The following EGFLAM variants were observed in gnomAD, a reference collection of about 807,000 sequenced individuals.
EGFLAM encodes the protein pikachurin.
Under a neutral mutation model 113.1 loss-of-function variants are expected in EGFLAM, and 79 were observed. That is an observed-to-expected ratio of 0.70 (90% CI 0.58 to 0.84). The LOEUF is 0.84. Ranked by LOEUF, EGFLAM falls within the 40% of genes least tolerant of loss-of-function variation. The pLI is 0.00. For missense variants in EGFLAM, 1,265 were observed against 1,291.6 expected, an observed-to-expected ratio of 0.98 and a Z score of 0.32; for synonymous variants, 504 against 487.6, an observed-to-expected ratio of 1.03 and a Z score of -0.44.
chr5:38,435,239 G>C lies in EGFLAM; in HGVS notation c.2269G>C (p.Gly757Arg), dbSNP rs202066673. 2 of 1,613,884 alleles carry C rather than the reference G, an allele frequency of 1.2e-6. No individual in the cohort carries two copies. Among genetic ancestry groups the C allele is most frequent in the Non-Finnish European group, 1.7e-6 (2 of 1,179,846 alleles). Reference protein sequence around the residue: ...KNSGVLKPFSGSIQKIILNDR... With the variant: ...KNSGVLKPFSRSIQKIILNDR... ...CTCGGGTGTCCTGAAGCCTTTCAGC[G>C]GGAGCATCCAGAAGGTACAGGCATC... The change falls in exon 16 of 22, where the codon GGG becomes CGG. Residue 757 changes from glycine to arginine, a missense_variant. Transcript: ENST00000322350.
rs1741713389 is a variant in EGFLAM at position 38,418,173 on chromosome 5, T to C, written c.1602T>C (p.Cys534=). ...GGACAAACCGAGGCTTTCAAGGCTG[T>C]GTGCAGTCGCTCGCTGTGAATGGGA... is the stretch of plus-strand genomic sequence containing the variant. ...ATGTNRGFQG[C]VQSLAVNGRR... Residue 534 remains cysteine, a synonymous_variant, in exon 12 of 22, where the codon TGT becomes TGC. Coordinates refer to ENST00000322350, the MANE Select transcript of EGFLAM (RefSeq NM_152403.4). 6.2e-7 allele frequency: 1 copy of C among 1,614,224 alleles called. No individual in the cohort carries two copies. The highest frequency in any genetic ancestry group is 1.3e-5 in the African/African-American group (1 of 75,060).
At chr5:38,341,997 G>A (rs1052664927) in intron 3 of EGFLAM, among the ~76,000 whole-genome samples, 1 of 151,802 alleles carries the variant, frequency 6.6e-6, no homozygotes, top group Non-Finnish European at 1.5e-5. Context: ...ATTTTTGTAA[G>A]CATGTTTTAG....
chr5:38,458,237 C>T (rs748075200), intron 19 of EGFLAM, 74 bp from the exon 20 acceptor site: 8 of 1,336,786 alleles, frequency 6.0e-6, no homozygotes, highest in African/African-American at 2.9e-5. Flanking sequence ...CCCTGAGAAT[C>T]GTCTGTGAAC....
At chr5:38,374,123 G>A (rs1327931074) in intron 6 of EGFLAM, among the ~76,000 whole-genome samples, 1 of 152,154 alleles carries the variant, frequency 6.6e-6, no homozygotes, top group Non-Finnish European at 1.5e-5. Context: ...CTGATGATTA[G>A]TGATGCTGAC....
intron 1 of EGFLAM, among the ~76,000 whole-genome samples, chr5:38,294,364 T>C (rs1336833010): frequency 1.3e-5 from 2 of 152,202 alleles, no homozygotes; most frequent in Admixed American, 1.3e-4. Context: ...TGGGGACATA[T>C]ATATACCTTG....
At chr5:38,324,337 T>C (rs931351522) in intron 1 of EGFLAM, among the ~76,000 whole-genome samples, 2 of 152,200 alleles carry the variant, frequency 1.3e-5, no homozygotes, top group Admixed American at 1.3e-4. Context: ...CTCTAGCCCA[T>C]AGGCGGTCCC....
chr5:38,395,515 A>G (rs1343982707), intron 6 of EGFLAM, among the ~76,000 whole-genome samples: 1 of 152,136 alleles, frequency 6.6e-6, no homozygotes, highest in African/African-American at 2.4e-5. Context: ...CTTTGTCTTT[A>G]AAGAGTGAGA....
Position 38,436,975 on chromosome 5 carries a change from T to C in EGFLAM, c.2284-1300T>C, listed in dbSNP as rs1742371863. ...GCAGGAAGTGCCATTGCTAACCTCT[T>C]ATAACCCCTGGGCAGTGGGGGTTCC... On this transcript the variant is annotated intron_variant, in intron 16 of 21. Transcript: ENST00000322350. Among the ~76,000 whole-genome samples the C allele has an allele frequency of 2.0e-5, 3 of 152,204 alleles. No individual in the cohort carries two copies. The South Asian group carries it at 6.2e-4, about 31-fold the overall frequency.
chr5:38,313,181 C>G (rs1738501743), intron 1 of EGFLAM, among the ~76,000 whole-genome samples: 1 of 152,128 alleles, frequency 6.6e-6, no homozygotes. Flanking sequence ...TTAATCTTTT[C>G]TGATTTTTTT....
intron 12 of EGFLAM, among the ~76,000 whole-genome samples, chr5:38,421,504 A>G (rs2112173734): frequency 6.6e-6 from 1 of 152,256 alleles, no homozygotes; most frequent in South Asian, 2.1e-4. Context: ...TCTTTTCCTC[A>G]TTTCACTCAA....
chr5:38,324,952 G>A (rs186280429), intron 1 of EGFLAM, among the ~76,000 whole-genome samples: 5 of 152,258 alleles, frequency 3.3e-5, no homozygotes, highest in African/African-American at 9.6e-5. Flanking sequence ...GGAGGGGCTC[G>A]GGTCAAAAAG....
chr5:38,418,221 G>T lies in EGFLAM; in HGVS notation c.1650G>T (p.Trp550Cys), dbSNP rs752854137. 1.9e-6 allele frequency: 3 copies of T among 1,614,138 alleles called. No individual in the cohort carries two copies. The South Asian group carries it at 3.3e-5, about 18-fold the overall frequency. ...GGAGGAGAATTGACATGAGGCCCTG[G>T]CCCCTGGGAAAAGCACTCAGTGGGG... The part of the protein sequence containing the change: ...VNGRRIDMRP[W>C]PLGKALSGAD... Residue 550 changes from tryptophan (W) to cysteine (C), a missense_variant, in exon 12 of 22, where the codon TGG (tryptophan) becomes TGT (cysteine). Transcript: ENST00000322350.
chr5:38,272,786 G>A (rs1757797096), intron 1 of EGFLAM, among the ~76,000 whole-genome samples: 1 of 152,134 alleles, frequency 6.6e-6, no homozygotes, highest in Non-Finnish European at 1.5e-5. Context: ...GTCTGTGTCT[G>A]TGTCTGTGTG....
intron 15 of EGFLAM, among the ~76,000 whole-genome samples, chr5:38,432,565 T>C (rs1258052878): frequency 2.0e-5 from 3 of 152,226 alleles, no homozygotes; most frequent in Non-Finnish European, 4.4e-5. Flanking sequence ...CCAGAGTCAC[T>C]TCTGGTGCAA....
intron 1 of EGFLAM, among the ~76,000 whole-genome samples, chr5:38,315,782 T>C (rs1294837627): frequency 4.6e-5 from 7 of 152,272 alleles, no homozygotes; most frequent in Middle Eastern, 3.4e-3. Flanking sequence ...ATGTTTAAAA[T>C]GCCTAAGCAC....
At chr5:38,389,975 T>G (rs556950224) in intron 6 of EGFLAM, among the ~76,000 whole-genome samples, 15 of 152,334 alleles carry the variant, frequency 9.8e-5, no homozygotes, top group Non-Finnish European at 1.9e-4. Flanking sequence ...GTATTGTGAG[T>G]TATTTTAAGT....
chr5:38,334,415 C>G (rs958031675), intron 1 of EGFLAM, among the ~76,000 whole-genome samples: 8 of 152,146 alleles, frequency 5.3e-5, no homozygotes, highest in African/African-American at 1.9e-4. Flanking sequence ...CAGCTGTCTT[C>G]TTGCTGTGTC....
At chr5:38,455,926 C>G (rs1743071583) in intron 19 of EGFLAM, among the ~76,000 whole-genome samples, 1 of 152,220 alleles carries the variant, frequency 6.6e-6, no homozygotes, top group South Asian at 2.1e-4. Flanking sequence ...TTCACGTACA[C>G]AGCCAGATCA....
intron 1 of EGFLAM, among the ~76,000 whole-genome samples, chr5:38,319,157 C>A (rs1165313386): frequency 6.6e-6 from 1 of 152,122 alleles, no homozygotes. Flanking sequence ...CTTCAGCAGA[C>A]CCCCAACTCC....
Sources: gnomAD v4.1 joint callset for allele counts (sites outside exome capture counted in the v4.1 genomes callset) on GRCh38, gnomAD v4.1.1 for gene constraint, MANE v1.5 for transcripts, NCBI Gene and HGNC (gene_info 2026-07-23, HGNC 2026-07-21) for gene names.